PLEKHA2: variants seen among roughly 807,000 people sequenced by gnomAD.
PLEKHA2 encodes the protein pleckstrin homology domain containing A2, also known as pleckstrin homology domain-containing family A member 2.
In PLEKHA2, 28 loss-of-function variants were observed where a neutral mutation model predicts 53.2. That is an observed-to-expected ratio of 0.53 (90% CI 0.39 to 0.72). PLEKHA2 has a LOEUF of 0.72. Ranked by LOEUF, PLEKHA2 falls within the 30% of genes least tolerant of loss-of-function variation. The pLI, the probability that PLEKHA2 is intolerant of heterozygous loss-of-function variation, is 0.00. For synonymous variants in PLEKHA2, 193 were observed against 196.4 expected, an observed-to-expected ratio of 0.98 and a Z score of 0.14; for missense variants, 426 against 537.9, an observed-to-expected ratio of 0.79 and a Z score of 2.06.
At chr8:38,916,690 C>T (rs1834068814) in intron 1 of PLEKHA2, among the ~76,000 whole-genome samples, 1 of 152,208 alleles carries the variant, frequency 6.6e-6, no homozygotes, top group African/African-American at 2.4e-5. Context: ...ACTTAAGTTG[C>T]TTCCAAATCT....
intron 2 of PLEKHA2, among the ~76,000 whole-genome samples, chr8:38,933,941 G>A (rs372163498): frequency 7.2e-5 from 11 of 152,084 alleles, no homozygotes; most frequent in African/African-American, 2.7e-4. Flanking sequence ...AAGAACGTGA[G>A]TGCAGAGTCT....
At chr8:38,912,853 C>T (rs1833974139) in intron 1 of PLEKHA2, among the ~76,000 whole-genome samples, 1 of 152,158 alleles carries the variant, frequency 6.6e-6, no homozygotes, top group South Asian at 2.1e-4. Context: ...CCCCCCACCT[C>T]CCACATTCCT....
At chr8:38,967,860 C>T (rs1304510847) in intron 10 of PLEKHA2, among the ~76,000 whole-genome samples, 6 of 152,088 alleles carry the variant, frequency 3.9e-5, no homozygotes, top group Non-Finnish European at 2.9e-5. Flanking sequence ...CGGGGTTTCA[C>T]CATGTTGCCC....
rs1564146277 is a variant in PLEKHA2, at chr8:38,952,261, C to CA, written c.583dup (p.Thr195AsnfsTer7). 6.2e-7 allele frequency: 1 copy of CA among 1,612,720 alleles called. No individual in the cohort carries two copies. The highest frequency in any genetic ancestry group is 8.5e-7 in the Non-Finnish European group (1 of 1,179,480). The stretch of plus-strand genomic sequence containing the variant: ...TCCCCACGTCAGGCTGCCGTGCTTC[C>CA]ACTGGGCCTCCCCTCATTAAGAGTG... On this transcript the variant is annotated frameshift_variant, in exon 7 of 12. Coordinates refer to ENST00000617275, the MANE Select transcript of PLEKHA2 (RefSeq NM_021623.2). LOFTEE classifies it high-confidence loss of function.
chr8:38,942,376 C>G (rs1005505734), intron 3 of PLEKHA2, among the ~76,000 whole-genome samples: 1 of 152,110 alleles, frequency 6.6e-6, no homozygotes, highest in African/African-American at 2.4e-5. Flanking sequence ...GCACTCCAGC[C>G]TGGGTGACAG....
chr8:38,927,783 A>G (rs1168832447), intron 2 of PLEKHA2, among the ~76,000 whole-genome samples: 2 of 152,144 alleles, frequency 1.3e-5, no homozygotes, highest in Non-Finnish European at 2.9e-5. Flanking sequence ...GTATGTGAGA[A>G]TGCTTTGATG....
At chr8:38,960,328 A>T (rs751039970) in intron 10 of PLEKHA2, among the ~76,000 whole-genome samples, 4 of 152,190 alleles carry the variant, frequency 2.6e-5, no homozygotes, top group Non-Finnish European at 4.4e-5. Flanking sequence ...AATAGCAACT[A>T]TCAAGCTGGG....
chr8:38,950,302 G>C (rs1275906156), intron 5 of PLEKHA2, among the ~76,000 whole-genome samples: 2 of 152,092 alleles, frequency 1.3e-5, no homozygotes, highest in African/African-American at 4.8e-5. Context: ...CCAAAGTGCT[G>C]GGGTTACAGG....
rs1834566923 is a variant in PLEKHA2 at position 38,939,819 on chromosome 8, C to G, written c.198+3769C>G. 2.0e-5 allele frequency among the ~76,000 whole-genome samples: 3 copies of G among 152,160 alleles called. No individual in the cohort carries two copies. In the South Asian group the frequency reaches 6.2e-4, roughly 32 times the overall value. Reference sequence around the variant, plus strand: ...GCTGGAAGTAGGTTGGGCATAGTGACTCATGCCTGTAATCCCAGCACTTTG... The same window carrying G: ...GCTGGAAGTAGGTTGGGCATAGTGAGTCATGCCTGTAATCCCAGCACTTTG... On this transcript the variant is annotated intron_variant, in intron 3 of 11. Coordinates refer to ENST00000617275, the MANE Select transcript of PLEKHA2 (RefSeq NM_021623.2).
At chr8:38,931,776 G>A (rs1834397576) in intron 2 of PLEKHA2, among the ~76,000 whole-genome samples, 1 of 152,138 alleles carries the variant, frequency 6.6e-6, no homozygotes, top group Non-Finnish European at 1.5e-5. Context: ...CCGTCCAGTA[G>A]GAAGAGACCT....
At position 38,901,348 on chromosome 8, in the gene PLEKHA2, A is replaced by T. The variant is rs1204897807; in HGVS notation, c.-121A>T. On this transcript the variant is annotated 5_prime_UTR_variant, in exon 1 of 12. Transcript: ENST00000617275. Reference sequence around the variant, plus strand: ...GAGGCGCGGAGAGTTTGGCAGGCAGACCCAGAAATCCCTGGAGCGCGGCGG... The same window carrying T: ...GAGGCGCGGAGAGTTTGGCAGGCAGTCCCAGAAATCCCTGGAGCGCGGCGG... The T allele has an allele frequency of 6.6e-6, 1 of 152,070 alleles. No individual in the cohort carries two copies. The highest frequency in any genetic ancestry group is 2.1e-4 in the South Asian group (1 of 4,834). The allele number at this position is 152,070 out of a possible 1,614,324, so 9.4% of individuals were successfully genotyped here.
At position 38,922,932 on chromosome 8, in the gene PLEKHA2, C is replaced by CCCT. The variant is rs1259285559; in HGVS notation, c.141+4868_141+4870dup. 1.3e-5 allele frequency among the ~76,000 whole-genome samples: 2 copies of CCCT among 152,158 alleles called. No individual in the cohort carries two copies. The highest frequency in any genetic ancestry group is 2.9e-5 in the Non-Finnish European group (2 of 68,038). On this transcript the variant is annotated intron_variant, in intron 2 of 11. Coordinates refer to ENST00000617275, the MANE Select transcript of PLEKHA2 (RefSeq NM_021623.2). The surrounding 1 kb of genome is among the most constrained non-coding windows in gnomAD (Gnocchi z 4.0). Reference sequence around the variant, plus strand: ...TGTGCAACCTCCTCTTTGTCTGCCTCCCTCCTCCCACTGACCTCTGTGCTC... The same window carrying CCCT: ...TGTGCAACCTCCTCTTTGTCTGCCTCCCTCCTCCTCCCACTGACCTCTGTGCTC...
In PLEKHA2 at chr8:38,905,573, T is replaced by C. The variant is rs575182984; in HGVS notation, c.-24+4128T>C. Among the ~76,000 whole-genome samples the C allele has an allele frequency of 2.0e-5, 3 of 152,068 alleles. No individual in the cohort carries two copies. In the East Asian group the frequency reaches 5.8e-4, roughly 29 times the overall value. The stretch of plus-strand genomic sequence containing the variant: ...ATCAAGAGACAGAAGCACATGTCTT[T>C]AGAGGAACAGAGCTAGGCCATTTAC... On this transcript the variant is annotated intron_variant, in intron 1 of 11. Transcript: ENST00000617275.
chr8:38,961,873 G>A (rs931998765), intron 10 of PLEKHA2, among the ~76,000 whole-genome samples: 3 of 152,140 alleles, frequency 2.0e-5, no homozygotes, highest in Non-Finnish European at 4.4e-5. Flanking sequence ...TGTACCCTGT[G>A]ATTTCTCACA....
At chr8:38,947,050 C>T (rs558101867) in intron 5 of PLEKHA2, among the ~76,000 whole-genome samples, 16 of 152,188 alleles carry the variant, frequency 1.1e-4, no homozygotes, top group Non-Finnish European at 2.2e-4. Context: ...GAAATTTGTA[C>T]ACGTATATAG....
chr8:38,969,499 T>G lies in PLEKHA2; in HGVS notation c.994T>G (p.Cys332Gly). The change falls in exon 12 of 12, where the codon TGC (cysteine) becomes GGC (glycine). Residue 332 changes from cysteine to glycine, a missense_variant. Transcript: ENST00000617275. ...TTCAAGTGGGCCCAACTCTATCCTG[T>G]GCAGGGGGCGGCCACCTTTGGAGGA... is the stretch of plus-strand genomic sequence containing the variant. ...SLSSGPNSIL[C>G]RGRPPLEEKK... is the part of the protein sequence containing the mutation. The G allele has an allele frequency of 6.2e-7, 1 of 1,613,846 alleles. No homozygotes were observed. Among genetic ancestry groups the G allele is most frequent in the Non-Finnish European group, 8.5e-7 (1 of 1,179,812 alleles).
chr8:38,952,584 A>G, intron 7 of PLEKHA2, 52 bp from the exon 8 acceptor site: 2 of 1,558,164 alleles, frequency 1.3e-6, no homozygotes, highest in East Asian at 4.5e-5. Context: ...TACACCCTCC[A>G]CAATGCTGGG....
At chr8:38,919,431 T>G (rs539546011) in intron 2 of PLEKHA2, among the ~76,000 whole-genome samples, 1 of 152,306 alleles carries the variant, frequency 6.6e-6, no homozygotes, top group South Asian at 2.1e-4. Context: ...TTTGGTGGAA[T>G]GAGCCTGCAA....
intron 5 of PLEKHA2, among the ~76,000 whole-genome samples, chr8:38,946,560 A>G (rs1834718629): frequency 6.6e-6 from 1 of 152,188 alleles, no homozygotes; most frequent in Non-Finnish European, 1.5e-5. Flanking sequence ...AAGTCAAGTA[A>G]GGGGAAAAGC....
Sources: allele counts gnomAD v4.1 joint callset (sites outside exome capture counted in the v4.1 genomes callset), GRCh38; gene constraint gnomAD v4.1.1; non-coding constraint Gnocchi (gnomAD v3.1); transcripts MANE v1.5; gene names NCBI Gene and HGNC (gene_info 2026-07-23, HGNC 2026-07-21).